The following STAU2 variants were observed in gnomAD, a reference collection of about 807,000 sequenced individuals.
The protein encoded by STAU2 is double-stranded RNA-binding protein Staufen homolog 2.
Under a neutral mutation model 65.9 loss-of-function variants are expected in STAU2, and 20 were observed. The observed-to-expected ratio is 0.30, with a 90% CI of 0.21 to 0.44. STAU2 has a LOEUF of 0.44. Among genes scored for constraint, STAU2 ranks in the 20% least tolerant of loss-of-function variants. STAU2 has a pLI of 1.00. For synonymous variants in STAU2, 232 were observed against 233.9 expected (o/e 0.99, Z 0.07); for missense variants, 558 against 683.9 (o/e 0.82, Z 2.05).
chr8:73,546,819 C>T lies in STAU2; in HGVS notation c.1530+5193G>A, dbSNP rs145040115. Among the ~76,000 whole-genome samples the T allele has an allele frequency of 2.4e-4, 37 of 152,274 alleles. No individual in the cohort carries two copies. The East Asian group carries it at 6.8e-3, about 28-fold the overall frequency. Reference sequence around the variant, plus strand: ...ATGACTTGGAATGAGTGTAGGTATACAGCTGCCATCCACCTGAAGAGTACC... The same window carrying T: ...ATGACTTGGAATGAGTGTAGGTATATAGCTGCCATCCACCTGAAGAGTACC... On this transcript the variant is annotated intron_variant, in intron 13 of 14. Coordinates refer to ENST00000524300, the MANE Select transcript of STAU2 (RefSeq NM_001164380.2).
chr8:73,601,061 T>C (rs1336961241), intron 10 of STAU2, among the ~76,000 whole-genome samples: 1 of 152,226 alleles, frequency 6.6e-6, no homozygotes, highest in Non-Finnish European at 1.5e-5. Context: ...GTAAATATGG[T>C]CTCTACATTT....
intron 6 of STAU2, among the ~76,000 whole-genome samples, chr8:73,624,125 G>A (rs1229874469): frequency 6.6e-6 from 1 of 151,876 alleles, no homozygotes; most frequent in Non-Finnish European, 1.5e-5. Flanking sequence ...AAATAATACG[G>A]TACACTAGAA....
intron 13 of STAU2, among the ~76,000 whole-genome samples, chr8:73,451,476 G>A (rs532385378): frequency 3.3e-5 from 5 of 151,924 alleles, no homozygotes; most frequent in African/African-American, 7.2e-5. Context: ...GTGTACACTC[G>A]GATTCAAAAA....
chr8:73,482,092 G>T (rs936577799), intron 13 of STAU2, among the ~76,000 whole-genome samples: 24 of 152,030 alleles, frequency 1.6e-4, no homozygotes, highest in Admixed American at 3.9e-4. Flanking sequence ...CGAGGTGTGG[G>T]GCCACACTTG....
chr8:73,513,134 T>C (rs576483167), intron 13 of STAU2, among the ~76,000 whole-genome samples: 2 of 152,332 alleles, frequency 1.3e-5, no homozygotes, highest in South Asian at 4.1e-4. Flanking sequence ...AATATTGTAC[T>C]AACTCTGGAT....
At chr8:73,583,642 C>CA (rs1810156409) in intron 11 of STAU2, among the ~76,000 whole-genome samples, 1 of 150,734 alleles carries the variant, frequency 6.6e-6, no homozygotes, top group South Asian at 2.1e-4. Context: ...ATGACATATA[C>CA]AAAAAATACA....
chr8:73,649,874 TA>T (rs1563481249), intron 6 of STAU2, among the ~76,000 whole-genome samples: 1,587 of 112,938 alleles, frequency 0.014, 61 homozygotes, highest in East Asian at 0.032. Flanking sequence ...TAATTTTATA[TA>T]TATATATATA....
At chr8:73,481,173 A>C (rs1157774253) in intron 13 of STAU2, among the ~76,000 whole-genome samples, 1 of 152,040 alleles carries the variant, frequency 6.6e-6, no homozygotes, top group Non-Finnish European at 1.5e-5. Flanking sequence ...AGTGGGAACC[A>C]CTGTCTTGCT....
At chr8:73,530,415 A>G (rs1393209228) in intron 13 of STAU2, among the ~76,000 whole-genome samples, 1 of 152,182 alleles carries the variant, frequency 6.6e-6, no homozygotes. Flanking sequence ...AAGAACACAC[A>G]AAGGAACAAA....
At chr8:73,618,732 TA>T (rs1244220835) in intron 6 of STAU2, among the ~76,000 whole-genome samples, 1 of 152,188 alleles carries the variant, frequency 6.6e-6, no homozygotes, top group African/African-American at 2.4e-5. Flanking sequence ...GCTACTGGGA[TA>T]ATCAAGGGGA....
intron 12 of STAU2, among the ~76,000 whole-genome samples, chr8:73,555,158 T>C (rs1230108602): frequency 2.0e-5 from 3 of 152,126 alleles, no homozygotes; most frequent in Non-Finnish European, 4.4e-5. Context: ...AAAGGAGAAG[T>C]GCTAAAAGCT....
chr8:73,602,632 AG>A (rs1224755041), intron 10 of STAU2, among the ~76,000 whole-genome samples: 3 of 151,426 alleles, frequency 2.0e-5, no homozygotes, highest in Non-Finnish European at 4.4e-5. Flanking sequence ...CTGAAAAGGG[AG>A]GATCTCTTGA....
At chr8:73,656,914 G>A (rs540405394) in intron 6 of STAU2, among the ~76,000 whole-genome samples, 37 of 152,288 alleles carry the variant, frequency 2.4e-4, no homozygotes, top group African/African-American at 7.7e-4. Flanking sequence ...TAATGAAAAC[G>A]GAAAGCAGTG....
intron 3 of STAU2, among the ~76,000 whole-genome samples, chr8:73,724,547 T>C (rs1805486840): frequency 6.6e-6 from 1 of 151,990 alleles, no homozygotes; most frequent in South Asian, 2.1e-4. Flanking sequence ...TTTAACACTT[T>C]ATTATAAAAT....
intron 10 of STAU2, among the ~76,000 whole-genome samples, chr8:73,600,612 T>C (rs1459433561): frequency 6.6e-6 from 1 of 152,252 alleles, no homozygotes; most frequent in African/African-American, 2.4e-5. Flanking sequence ...CCTATGTTGC[T>C]GCTGGAATCC....
At chr8:73,633,088 T>TTAAAAGGAGTCCAC (rs1290307625) in intron 6 of STAU2, among the ~76,000 whole-genome samples, 3 of 152,186 alleles carry the variant, frequency 2.0e-5, no homozygotes, top group Non-Finnish European at 2.9e-5. Context: ...TACCTAGCAC[T>TTAAAAGGAGTCCAC]TAAAAGGAGT....
rs773712804 is a variant in STAU2, at chr8:73,688,748, C to T, written c.180G>A (p.Lys60=). The T allele has an allele frequency of 1.1e-5, 18 of 1,614,016 alleles. No individual in the cohort carries two copies. Among genetic ancestry groups the T allele is most frequent in the Non-Finnish European group, 1.4e-5 (16 of 1,180,032 alleles). The change falls in exon 5 of 15, where the codon AAG becomes AAA. Residue 60 remains lysine, a synonymous_variant. Transcript: ENST00000524300. The part of the protein sequence containing the change: ...TWESEGSSIK[K]AQQAVANKAL... Reference sequence around the variant, plus strand: ...CTTTATTGGCAACAGCCTGCTGAGCCTTCTTTATACTGCTGCCTTCGGATT... The same window carrying T: ...CTTTATTGGCAACAGCCTGCTGAGCTTTCTTTATACTGCTGCCTTCGGATT...
chr8:73,640,108 A>G (rs1407223992), intron 6 of STAU2, among the ~76,000 whole-genome samples: 7 of 152,178 alleles, frequency 4.6e-5, no homozygotes, highest in African/African-American at 7.2e-5. Flanking sequence ...AGTGTTCCCC[A>G]TCAATCAACT....
intron 13 of STAU2, chr8:73,527,535 C>T (rs555312534): frequency 3.9e-5 from 18 of 462,314 alleles, no homozygotes; most frequent in Admixed American, 1.0e-4. Context: ...AATTTCCCAA[C>T]ACAAACAATT....
Sources: gnomAD v4.1 joint callset for allele counts (sites outside exome capture counted in the v4.1 genomes callset) on GRCh38, gnomAD v4.1.1 for gene constraint, MANE v1.5 for transcripts, NCBI Gene and HGNC (gene_info 2026-07-23, HGNC 2026-07-21) for gene names.